Variants in SERINC3 observed in about 807,000 individuals in gnomAD.
SERINC3 encodes serine incorporator 3.
In SERINC3, 22 loss-of-function variants were observed where a neutral mutation model predicts 52.1. That is an observed-to-expected ratio of 0.42 (90% CI 0.30 to 0.60). SERINC3 has a LOEUF of 0.60. SERINC3 is among the 20% of genes least tolerant of loss of function. SERINC3 has a pLI of 0.16. For synonymous variants in SERINC3, 226 were observed against 212.7 expected (o/e 1.06, Z -0.54); for missense variants, 564 against 584.6 (o/e 0.96, Z 0.36).
At chr20:44,519,728 G>A (rs1384041327) in intron 1 of SERINC3, among the ~76,000 whole-genome samples, 1 of 151,910 alleles carries the variant, frequency 6.6e-6, no homozygotes, top group East Asian at 1.9e-4. Context: ...CAAGGCTGCA[G>A]TGAGCTATGA....
chr20:44,507,547 G>T, intron 5 of SERINC3, among the ~76,000 whole-genome samples: 1 of 152,110 alleles, frequency 6.6e-6, no homozygotes, highest in East Asian at 1.9e-4. Context: ...CTAAAGTAAT[G>T]GTCTTTTCCA....
chr20:44,512,511 T>A (rs1034396311), intron 3 of SERINC3, among the ~76,000 whole-genome samples: 1 of 152,146 alleles, frequency 6.6e-6, no homozygotes, highest in African/African-American at 2.4e-5. Flanking sequence ...GTACGTAGTA[T>A]CTAGCATAGT....
At position 44,504,879 on chromosome 20, in the gene SERINC3, G is replaced by A. The variant is rs765692682; in HGVS notation, c.796C>T (p.Arg266Cys). The A allele has an allele frequency of 4.6e-5, 74 of 1,613,018 alleles. No homozygotes were observed. The highest frequency in any genetic ancestry group is 1.2e-4 in the South Asian group (11 of 90,936). ...IHPKIQEHQP[R>C]SGLLQSSLIT... ...AGGGAGGACTGCAAGAGGCCGGAGC[G>A]AGGCTGGTGTTCCTATGGAATCAAA... The change falls in exon 7 of 10, where the codon CGC becomes TGC. Residue 266 changes from arginine to cysteine, a missense_variant. Transcript: ENST00000342374.
intron 7 of SERINC3, 143 bp from the exon 8 acceptor site, chr20:44,504,138 G>A (rs1197408373): frequency 1.8e-6 from 1 of 553,240 alleles, no homozygotes; most frequent in East Asian, 3.5e-5. Flanking sequence ...TTAGCAGTCA[G>A]TAGTAACACG....
intron 1 of SERINC3, among the ~76,000 whole-genome samples, chr20:44,520,140 T>C (rs1213783712): frequency 6.6e-6 from 1 of 152,182 alleles, no homozygotes; most frequent in African/African-American, 2.4e-5. Flanking sequence ...GAAGAACTTT[T>C]GGCTGGGCAT....
intron 1 of SERINC3, among the ~76,000 whole-genome samples, chr20:44,520,539 G>C (rs2064409475): frequency 6.6e-6 from 1 of 151,798 alleles, no homozygotes; most frequent in Non-Finnish European, 1.5e-5. Flanking sequence ...TCGCTTACAA[G>C]TGGGAGCTAA....
rs201617613 is a variant in SERINC3, at chr20:44,501,264, C to T, written c.1092G>A (p.Leu364=). 1 of 1,614,126 alleles carries T rather than the reference C, an allele frequency of 6.2e-7. No individual in the cohort carries two copies. The highest frequency in any genetic ancestry group is 8.5e-7 in the Non-Finnish European group (1 of 1,180,028). The part of the protein sequence containing the change: ...RTSTNSQVDK[L]TLSGSDSVIL... Reference sequence around the variant, plus strand: ...TGACGCTGTCACTCCCTGACAGGGTCAGCTTGTCTACTTGGCTATTAGTGG... The same window carrying T: ...TGACGCTGTCACTCCCTGACAGGGTTAGCTTGTCTACTTGGCTATTAGTGG... The change falls in exon 9 of 10, where the codon CTG becomes CTA. Residue 364 remains leucine (L), a synonymous_variant. Transcript: ENST00000342374.
intron 6 of SERINC3, among the ~76,000 whole-genome samples, 174 bp from the exon 7 acceptor site, chr20:44,505,065 C>G (rs1003640238): frequency 9.2e-5 from 14 of 152,114 alleles, no homozygotes; most frequent in Admixed American, 2.0e-4. Context: ...CAAAAGAACC[C>G]AGAAAGACCA....
At chr20:44,518,040 A>C (rs902400028) in intron 1 of SERINC3, among the ~76,000 whole-genome samples, 4 of 152,104 alleles carry the variant, frequency 2.6e-5, no homozygotes, top group South Asian at 4.1e-4. Context: ...TCTACCCTTA[A>C]AATATATCCA....
intron 3 of SERINC3, 37 bp from the exon 4 acceptor site, chr20:44,511,405 G>A (rs773303687): frequency 7.5e-7 from 1 of 1,340,808 alleles, no homozygotes; most frequent in Non-Finnish European, 1.1e-6. Flanking sequence ...GAAATGCTAA[G>A]TTTCACCCTT....
intron 9 of SERINC3, 110 bp downstream of exon 9, chr20:44,500,963 C>A: frequency 4.0e-6 from 3 of 742,500 alleles, no homozygotes; most frequent in Non-Finnish European, 6.8e-6. Flanking sequence ...TTTAACCCAA[C>A]TTCATTATAT....
At chr20:44,514,389 T>C (rs538613352) in intron 1 of SERINC3, among the ~76,000 whole-genome samples, 1 of 152,312 alleles carries the variant, frequency 6.6e-6, no homozygotes, top group South Asian at 2.1e-4. Flanking sequence ...TCATTTGTTT[T>C]AAAATATGAG....
intron 6 of SERINC3, 130 bp downstream of exon 6, chr20:44,506,697 G>T: frequency 5.5e-6 from 2 of 361,420 alleles, no homozygotes; most frequent in Non-Finnish European, 4.5e-6. Context: ...ATAGAATTAT[G>T]AAGACTTTAT....
At chr20:44,506,029 G>A (rs760075157) in intron 6 of SERINC3, among the ~76,000 whole-genome samples, 26 of 151,978 alleles carry the variant, frequency 1.7e-4, no homozygotes, top group Non-Finnish European at 3.2e-4. Flanking sequence ...AGCCACATGC[G>A]GTGGCTCACA....
At chr20:44,505,135 A>G (rs578110199) in intron 6 of SERINC3, among the ~76,000 whole-genome samples, 69 of 152,344 alleles carry the variant, frequency 4.5e-4, no homozygotes, top group African/African-American at 1.5e-3. Flanking sequence ...TGCATCACAC[A>G]AGGACTTTGA....
intron 5 of SERINC3, among the ~76,000 whole-genome samples, chr20:44,508,519 T>TA (rs1460920293): frequency 6.6e-6 from 1 of 151,594 alleles, no homozygotes; most frequent in Non-Finnish European, 1.5e-5. Context: ...AAAAAATAGA[T>TA]AAAAATAAAA....
chr20:44,520,787 ACTTTTATAATAAACCAGTAAACATGTTTC>A (rs1442009422), intron 1 of SERINC3, among the ~76,000 whole-genome samples: 3 of 152,204 alleles, frequency 2.0e-5, no homozygotes, highest in Non-Finnish European at 4.4e-5. Context: ...AAAATAAAAT[ACTTTTATAATAAACCAGTAAACATGTTTC>A]CTTGAGTTTT....
intron 1 of SERINC3, 162 bp from the exon 2 acceptor site, chr20:44,514,202 A>G: frequency 1.4e-6 from 1 of 709,554 alleles, no homozygotes; most frequent in South Asian, 2.3e-5. Flanking sequence ...TGGAGTAAAT[A>G]TTATTTCTGC....
chr20:44,506,736 CTT>C (rs1458657898), intron 6 of SERINC3, 89 bp downstream of exon 6: 2 of 806,746 alleles, frequency 2.5e-6, no homozygotes, highest in South Asian at 3.7e-5. Flanking sequence ...AGTGGATAAA[CTT>C]AGACATAAAT....
Sources: gnomAD v4.1 joint callset for allele counts (sites outside exome capture counted in the v4.1 genomes callset) on GRCh38, gnomAD v4.1.1 for gene constraint, MANE v1.5 for transcripts, NCBI Gene and HGNC (gene_info 2026-07-23, HGNC 2026-07-21) for gene names.